Variants in TATDN1 observed in about 807,000 individuals in gnomAD.
TATDN1 encodes the protein deoxyribonuclease TATDN1.
A neutral mutation model predicts 46.4 loss-of-function variants in TATDN1; 40 were observed. The observed-to-expected ratio is 0.86, with a 90% CI of 0.67 to 1.12. TATDN1 has a LOEUF of 1.12. TATDN1 is among the 50% of genes most tolerant of loss of function. The pLI, the probability that TATDN1 is intolerant of heterozygous loss-of-function variation, is 0.00. For synonymous variants in TATDN1, 95 were observed against 105.6 expected (o/e 0.90, Z 0.62); for missense variants, 326 against 348.4 (o/e 0.94, Z 0.51).
intron 1 of TATDN1, among the ~76,000 whole-genome samples, chr8:124,534,086 C>A (rs1821212068): frequency 7.6e-6 from 1 of 131,128 alleles, no homozygotes; most frequent in Admixed American, 9.4e-5. Context: ...GCGGAGCTTG[C>A]AGTGAGCCCA....
At chr8:124,525,433 C>A (rs929914428) in intron 1 of TATDN1, among the ~76,000 whole-genome samples, 1 of 152,120 alleles carries the variant, frequency 6.6e-6, no homozygotes, top group Admixed American at 6.6e-5. Flanking sequence ...AGGCATGAGG[C>A]ACCACGCCCA....
At chr8:124,519,401 C>A (rs905141456) in intron 3 of TATDN1, among the ~76,000 whole-genome samples, 2 of 152,110 alleles carry the variant, frequency 1.3e-5, no homozygotes, top group African/African-American at 4.8e-5. Context: ...CCACCAGAGA[C>A]TGACTACAGA....
At chr8:124,491,468 C>G (rs1392155091) in intron 11 of TATDN1, 1 of 152,282 alleles carries the variant, frequency 6.6e-6, no homozygotes, top group Non-Finnish European at 1.5e-5. Context: ...TGTTTCCCCT[C>G]AAAGCAGACA....
chr8:124,495,558 AT>A lies in TATDN1; in HGVS notation c.594-17del. On this transcript the variant is annotated splice_polypyrimidine_tract_variant and intron_variant, in intron 9 of 11. Coordinates refer to ENST00000276692, the MANE Select transcript of TATDN1 (RefSeq NM_032026.4). ...TTTCAGTGAGCTTAAAAAAAAGTGT[AT>A]ATTTATTTTAAAAGGCAGCAATTAA... 6.3e-7 allele frequency: 1 copy of A among 1,576,878 alleles called. No homozygotes were observed. Among genetic ancestry groups the A allele is most frequent in the Non-Finnish European group, 8.6e-7 (1 of 1,160,664 alleles).
chr8:124,538,659 C>G (rs1237608150), intron 1 of TATDN1, among the ~76,000 whole-genome samples: 1 of 152,210 alleles, frequency 6.6e-6, no homozygotes, highest in Admixed American at 6.5e-5. Flanking sequence ...AGCGGTCAGC[C>G]TCTCCGCCAA....
intron 1 of TATDN1, among the ~76,000 whole-genome samples, chr8:124,534,936 C>T (rs1586691766): frequency 1.3e-5 from 2 of 151,736 alleles, no homozygotes; most frequent in East Asian, 2.0e-4. Flanking sequence ...AAAAAGATGC[C>T]ATTCAAAAAC....
chr8:124,494,460 T>C (rs1301462972), intron 10 of TATDN1: 1 of 152,688 alleles, frequency 6.5e-6, no homozygotes, highest in Non-Finnish European at 1.5e-5. Flanking sequence ...GAATGTGATT[T>C]CTCCAGAATG....
At chr8:124,493,995 A>G in intron 10 of TATDN1, 36 bp from the exon 11 acceptor site, 1 of 1,546,428 alleles carries the variant, frequency 6.5e-7, no homozygotes. Context: ...TAAGGGGTTT[A>G]CATTTTTAAA....
chr8:124,521,715 G>A (rs541126574), intron 3 of TATDN1: 1 of 154,076 alleles, frequency 6.5e-6, no homozygotes, highest in South Asian at 2.0e-4. Context: ...AAAGCCGTAG[G>A]CATTTTATTA....
At chr8:124,498,051 T>C (rs1017955782) in intron 9 of TATDN1, among the ~76,000 whole-genome samples, 5 of 150,748 alleles carry the variant, frequency 3.3e-5, no homozygotes, top group African/African-American at 1.2e-4. Context: ...AATCCCACTA[T>C]GTTGGGTCGC....
At chr8:124,493,058 A>C (rs1055253816) in intron 11 of TATDN1, among the ~76,000 whole-genome samples, 2 of 152,162 alleles carry the variant, frequency 1.3e-5, no homozygotes, top group African/African-American at 4.8e-5. Context: ...TATCTGGCTT[A>C]TCTTCTAATA....
intron 9 of TATDN1, among the ~76,000 whole-genome samples, chr8:124,503,085 C>T (rs1818115253): frequency 6.6e-6 from 1 of 152,036 alleles, no homozygotes; most frequent in East Asian, 1.9e-4. Context: ...TTTATATAGG[C>T]ATAATAAGGA....
Position 124,539,082 on chromosome 8 carries a change from A to AGTGGCCGCCGGCAACT in TATDN1, c.-37_-36insAGTTGCCGGCGGCCAC. 1 of 1,611,732 alleles carries AGTGGCCGCCGGCAACT rather than the reference A, an allele frequency of 6.2e-7. No individual in the cohort carries two copies. The highest frequency in any genetic ancestry group is 8.5e-7 in the Non-Finnish European group (1 of 1,178,004). On this transcript the variant is annotated 5_prime_UTR_variant, in exon 1 of 12. Coordinates refer to ENST00000276692, the MANE Select transcript of TATDN1 (RefSeq NM_032026.4). The stretch of plus-strand genomic sequence containing the variant: ...GGAGGACCTCCCCAGCGGAAGCGGA[A>AGTGGCCGCCGGCAACT]GTGGCCGCCGGCAACTCCGCCCTTC...
At chr8:124,520,669 G>A (rs930492936) in intron 3 of TATDN1, among the ~76,000 whole-genome samples, 9 of 151,858 alleles carry the variant, frequency 5.9e-5, no homozygotes, top group Admixed American at 1.3e-4. Context: ...TGGGCCTGGC[G>A]CGGTGGCTCA....
At chr8:124,533,010 T>C (rs1821099961) in intron 1 of TATDN1, among the ~76,000 whole-genome samples, 2 of 152,132 alleles carry the variant, frequency 1.3e-5, no homozygotes, top group South Asian at 2.1e-4. Context: ...CCCAGCACTT[T>C]AGGAGGCCGA....
chr8:124,497,623 A>G (rs1326187083), intron 9 of TATDN1, among the ~76,000 whole-genome samples: 1 of 152,106 alleles, frequency 6.6e-6, no homozygotes, highest in Non-Finnish European at 1.5e-5. Context: ...CTCGAGTACC[A>G]TCTACAGGCT....
intron 1 of TATDN1, among the ~76,000 whole-genome samples, chr8:124,532,618 T>TA (rs1403300121): frequency 3.3e-5 from 5 of 152,170 alleles, no homozygotes; most frequent in Non-Finnish European, 7.4e-5. Context: ...CCAGAGGAAG[T>TA]AAAAAATCCT....
intron 1 of TATDN1, among the ~76,000 whole-genome samples, chr8:124,532,206 C>G (rs564450973): frequency 6.6e-6 from 1 of 152,272 alleles, no homozygotes; most frequent in African/African-American, 2.4e-5. Context: ...TCTGTCTTGT[C>G]AGAGAAATGT....
At chr8:124,530,976 G>T (rs761496540) in intron 1 of TATDN1, among the ~76,000 whole-genome samples, 1 of 152,100 alleles carries the variant, frequency 6.6e-6, no homozygotes, top group Non-Finnish European at 1.5e-5. Flanking sequence ...GCGACCAGGA[G>T]TCAATCTCTA....
Sources: gnomAD v4.1 joint callset for allele counts (sites outside exome capture counted in the v4.1 genomes callset) on GRCh38, gnomAD v4.1.1 for gene constraint, MANE v1.5 for transcripts, NCBI Gene and HGNC (gene_info 2026-07-23, HGNC 2026-07-21) for gene names.